The following NUMBL variants were observed in gnomAD, a reference collection of about 807,000 sequenced individuals.
NUMBL encodes numb-like protein.
Under a neutral mutation model 48.9 loss-of-function variants are expected in NUMBL, and 20 were observed. The ratio of observed to expected loss-of-function variants is 0.41; its 90% CI spans 0.29 to 0.59. NUMBL has a LOEUF of 0.59. Ranked by LOEUF, NUMBL falls within the 20% of genes least tolerant of loss-of-function variation. The probability of loss-of-function intolerance (pLI) is 0.31; values close to 1 mark genes in which losing one functional copy is unlikely to be tolerated. For synonymous variants in NUMBL, 340 were observed against 348.7 expected, an observed-to-expected ratio of 0.98 and a Z score of 0.28; for missense variants, 660 against 846.2, an observed-to-expected ratio of 0.78 and a Z score of 2.73.
In NUMBL at chr19:40,667,969, TTGCTGCTGC is replaced by T. The variant is rs752962959; in HGVS notation, c.1320_1328del (p.Gln444_Gln446del). 1.6e-5 allele frequency: 23 copies of T among 1,471,352 alleles called. No homozygotes were observed. The highest frequency in any genetic ancestry group is 5.1e-5 in the African/African-American group (2 of 38,986). 91.1% of individuals were successfully genotyped at this position (1,471,352 alleles called of 1,614,324 possible). On this transcript the variant is annotated inframe_deletion, in exon 10 of 10. Coordinates refer to ENST00000252891, the MANE Select transcript of NUMBL (RefSeq NM_004756.5). This position sits in a 1 kb window ranked among gnomAD's most constrained non-coding sequence, Gnocchi z 6.1. ...GGGCCACTGAGGCTGCTTGCTGCTG[TTGCTGCTGC>T]TGCTGCTGCTGCTGTTGCTGTTGCT...
intron 6 of NUMBL, 57 bp from the exon 7 acceptor site, chr19:40,677,478 CA>C (rs2081883416): frequency 7.9e-6 from 12 of 1,519,906 alleles, no homozygotes; most frequent in Non-Finnish European, 1.1e-5. Flanking sequence ...GGACAGGGGC[CA>C]GGGGCACTGG....
At chr19:40,669,575 C>A (rs889951070) in intron 9 of NUMBL, among the ~76,000 whole-genome samples, 2 of 151,696 alleles carry the variant, frequency 1.3e-5, no homozygotes, top group Admixed American at 6.6e-5. Flanking sequence ...CTAGGCTGAT[C>A]CCCTGGCTCT....
chr19:40,682,609 A>T lies in NUMBL; in HGVS notation c.399+119T>A, dbSNP rs1213102328. 5 of 850,310 alleles carry T rather than the reference A, an allele frequency of 5.9e-6. No homozygotes were observed. The East Asian group carries it at 1.3e-4, about 21-fold the overall frequency. 52.7% of individuals were successfully genotyped at this position (850,310 alleles called of 1,614,324 possible). On this transcript the variant is annotated intron_variant, in intron 5 of 9. Transcript: ENST00000252891. This position sits in a 1 kb window ranked among gnomAD's most constrained non-coding sequence, Gnocchi z 4.0. ...TATGACGACAGAGGGAGCACACGGC[A>T]TCGTCTAGAAGGTCCCTGAGGGAGG...
At chr19:40,677,178 A>G in intron 7 of NUMBL, 54 bp downstream of exon 7, 1 of 1,527,458 alleles carries the variant, frequency 6.5e-7, no homozygotes, top group East Asian at 2.5e-5. Flanking sequence ...GCCCCCTGAT[A>G]CTGGGTACCC....
chr19:40,673,371 G>A lies in NUMBL; in HGVS notation c.1009C>T (p.Arg337Cys), dbSNP rs1293521460. Residue 337 changes from arginine (R) to cysteine (C), a missense_variant, in exon 8 of 10, where the codon CGC (arginine) becomes TGC (cysteine). Physicochemically the swap from Arg to Cys is radical, Grantham distance 180 (BLOSUM62 -3). This residue lies in a region of NUMBL where 278 missense variants were observed against 420.6 expected (regional missense o/e 0.66). Transcript: ENST00000252891. The surrounding 1 kb of genome is among the most constrained non-coding windows in gnomAD (Gnocchi z 5.9). ...GTGCCCTTCACCTGGAAGTCAGTGCGGCGCTGCAGCGTGGATGGCAGCTCA... is the reference window on the plus strand; with the variant it reads ...GTGCCCTTCACCTGGAAGTCAGTGCAGCGCTGCAGCGTGGATGGCAGCTCA... ...LNELPSTLQR[R>C]TDFQVKGTVP... The A allele has an allele frequency of 5.6e-6, 9 of 1,613,794 alleles. No individual in the cohort carries two copies. Among genetic ancestry groups the A allele is most frequent in the South Asian group, 1.1e-5 (1 of 91,020 alleles).
At position 40,680,129 on chromosome 19, in the gene NUMBL, G is replaced by GTT. The variant is rs34820478; in HGVS notation, c.540+786_540+787dup. Among the ~76,000 whole-genome samples the GTT allele has an allele frequency of 1.3e-3, 194 of 146,332 alleles. 1 individual carries two copies. The East Asian group carries it at 0.034, about 26-fold the overall frequency. Reference sequence around the variant, plus strand: ...TGGCTTTCATTCTCATCCCCAAATAGTTTTTTTTTTTTGTTTTCTTGAGAC... The same window carrying GTT: ...TGGCTTTCATTCTCATCCCCAAATAGTTTTTTTTTTTTTTGTTTTCTTGAGAC... On this transcript the variant is annotated intron_variant, in intron 6 of 9. Transcript: ENST00000252891.
chr19:40,672,279 C>G (rs1205784205), intron 8 of NUMBL, among the ~76,000 whole-genome samples: 3 of 152,126 alleles, frequency 2.0e-5, no homozygotes, highest in Non-Finnish European at 4.4e-5. Flanking sequence ...CCCCACGGAG[C>G]TCTTTGCTCA....
rs2081923898 is a variant in NUMBL, at chr19:40,684,505, G to A, written c.161C>T (p.Pro54Leu). The A allele has an allele frequency of 6.2e-7, 1 of 1,604,714 alleles. No individual in the cohort carries two copies. Among genetic ancestry groups the A allele is most frequent in the Admixed American group, 1.7e-5 (1 of 58,812 alleles). ...KLRQSLRRRK[P>L]AYVPEASRPH... ...GCGCGACGCCTCGGGCACGTAGGCT[G>A]GCTTCCTCCGCCGCAGGCTCTGCCG... The change falls in exon 3 of 10, where the codon CCA (proline) becomes CTA (leucine). Residue 54 changes from proline (P) to leucine (L), a missense_variant. By Grantham distance (98) the Pro-to-Leu change is moderately conservative. Transcript: ENST00000252891.
chr19:40,684,394 C>T (rs370991230), intron 3 of NUMBL, 23 bp downstream of exon 3: 1,088 of 1,543,172 alleles, frequency 7.1e-4, no homozygotes, highest in Non-Finnish European at 8.3e-4. Context: ...CTCGCCCCGC[C>T]GCACCCTGCC....
intron 3 of NUMBL, among the ~76,000 whole-genome samples, chr19:40,683,262 G>A (rs141802669): frequency 6.6e-6 from 1 of 152,238 alleles, no homozygotes. Flanking sequence ...CTGTGCGTGA[G>A]GACTGGCCAC....
At position 40,690,520 on chromosome 19, in the gene NUMBL, C is replaced by T. The variant is rs1224097968; in HGVS notation, c.-37G>A. ...GCGCCCCCGCCTCCCGCGGCCCTGGCTGGGCCTGGCTCCCCGACTGCTGCT... is the reference window on the plus strand; with the variant it reads ...GCGCCCCCGCCTCCCGCGGCCCTGGTTGGGCCTGGCTCCCCGACTGCTGCT... On this transcript the variant is annotated 5_prime_UTR_variant, in exon 1 of 10. Coordinates refer to ENST00000252891, the MANE Select transcript of NUMBL (RefSeq NM_004756.5). 4.9e-6 allele frequency: 6 copies of T among 1,227,608 alleles called. No homozygotes were observed. The highest frequency in any genetic ancestry group is 6.1e-6 in the Non-Finnish European group (6 of 980,206). 76.0% of individuals were successfully genotyped at this position (1,227,608 alleles called of 1,614,324 possible).
chr19:40,686,468 T>C (rs946741649), intron 2 of NUMBL, among the ~76,000 whole-genome samples: 1 of 152,126 alleles, frequency 6.6e-6, no homozygotes, highest in African/African-American at 2.4e-5. Context: ...CGGCCAAGAG[T>C]GTGTCTCTTG....
Position 40,667,821 on chromosome 19 carries a change from C to A in NUMBL, c.1477G>T (p.Ala493Ser). 4 of 1,587,502 alleles carry A rather than the reference C, an allele frequency of 2.5e-6. No individual in the cohort carries two copies. The South Asian group carries it at 4.6e-5, about 18-fold the overall frequency. ...GGTGGGTAGCCCAAGCCCGGGTAGGCGGGCACAAAAGGGGGCTGCATGTGT... is the reference window on the plus strand; with the variant it reads ...GGTGGGTAGCCCAAGCCCGGGTAGGAGGGCACAAAAGGGGGCTGCATGTGT... The part of the protein sequence containing the change: ...PPHMQPPFVP[A>S]YPGLGYPPMP... The change falls in exon 10 of 10, where the codon GCC becomes TCC. Residue 493 changes from alanine to serine, a missense_variant. Ala to Ser is a moderately conservative substitution (Grantham distance 99, BLOSUM62 1). This residue lies in a region of NUMBL where 296 missense variants were observed against 339.7 expected (regional missense o/e 0.87). Transcript: ENST00000252891. This position sits in a 1 kb window ranked among gnomAD's most constrained non-coding sequence, Gnocchi z 6.1.
intron 8 of NUMBL, among the ~76,000 whole-genome samples, chr19:40,672,973 GC>G (rs1194854377): frequency 6.6e-6 from 1 of 151,878 alleles, no homozygotes; most frequent in Non-Finnish European, 1.5e-5. Context: ...TCTTTCCCTG[GC>G]CCATGGCAAA....
At position 40,667,553 on chromosome 19, in the gene NUMBL, G is replaced by A. The variant is rs142060332; in HGVS notation, c.1745C>T (p.Ala582Val). ...TACAGTGGCTTTGCCTTCTAATGCC[G>A]CCCACTGGGCCTCAAAGGGGTCCAA... is the stretch of plus-strand genomic sequence containing the variant. The part of the protein sequence containing the change: ...PELDPFEAQW[A>V]ALEGKATVEK... Residue 582 changes from alanine (A) to valine (V), a missense_variant, in exon 10 of 10, where the codon GCG becomes GTG. This residue lies in a region of NUMBL where 296 missense variants were observed against 339.7 expected (regional missense o/e 0.87). Coordinates refer to ENST00000252891, the MANE Select transcript of NUMBL (RefSeq NM_004756.5). This position sits in a 1 kb window ranked among gnomAD's most constrained non-coding sequence, Gnocchi z 6.1. 1,456 of 1,562,428 alleles carry A rather than the reference G, an allele frequency of 9.3e-4. 2 individuals are homozygous for A. Among genetic ancestry groups the A allele is most frequent in the Middle Eastern group, 1.3e-3 (8 of 5,974 alleles).
rs764427450 is a variant in NUMBL, at chr19:40,682,988, G to A, written c.250-20C>T. On this transcript the variant is annotated intron_variant, in intron 3 of 9. Coordinates refer to ENST00000252891, the MANE Select transcript of NUMBL (RefSeq NM_004756.5). This position sits in a 1 kb window ranked among gnomAD's most constrained non-coding sequence, Gnocchi z 4.0. ...CAGGTACTTGGGTTGGAGGGAATGG[G>A]GGGGGGGACATGAAACAGCACAGTA... 33 of 1,608,534 alleles carry A rather than the reference G, an allele frequency of 2.1e-5. No individual in the cohort carries two copies. Among genetic ancestry groups the A allele is most frequent in the South Asian group, 9.9e-5 (9 of 90,990 alleles).
Position 40,684,483 on chromosome 19 carries a change from C to T in NUMBL, c.183G>A (p.Ser61=), listed in dbSNP as rs759687367. The T allele has an allele frequency of 3.0e-5, 48 of 1,593,244 alleles. No individual in the cohort carries two copies. The South Asian group carries it at 3.5e-4, about 12-fold the overall frequency. Reference sequence around the variant, plus strand: ...CGTCTGCCTGCCACTGGTGCGGGCGCGACGCCTCGGGCACGTAGGCTGGCT... The same window carrying T: ...CGTCTGCCTGCCACTGGTGCGGGCGTGACGCCTCGGGCACGTAGGCTGGCT... ...RRKPAYVPEA[S]RPHQWQADED... is the part of the protein sequence containing the mutation. The change falls in exon 3 of 10, where the codon TCG becomes TCA. Residue 61 remains serine, a synonymous_variant. Transcript: ENST00000252891.
In NUMBL at chr19:40,670,007, C is replaced by G. The variant is rs763703509; in HGVS notation, c.1050G>C (p.Glu350Asp). 1 of 1,613,738 alleles carries G rather than the reference C, an allele frequency of 6.2e-7. No individual in the cohort carries two copies. The highest frequency in any genetic ancestry group is 8.5e-7 in the Non-Finnish European group (1 of 1,179,808). ...FQVKGTVPEM[E>D]PPGAGDSDSI... ...TGTCACTGTCGCCGGCACCAGGAGG[C>G]TCCATCTCAGGCACTGGGAAGCAGG... is the stretch of plus-strand genomic sequence containing the variant. Residue 350 changes from glutamate (E) to aspartate (D), a missense_variant, in exon 9 of 10, where the codon GAG (glutamate) becomes GAC (aspartate). By Grantham distance (45) the Glu-to-Asp change is conservative. Coordinates refer to ENST00000252891, the MANE Select transcript of NUMBL (RefSeq NM_004756.5).
At position 40,686,931 on chromosome 19, in the gene NUMBL, TCTGGGGGCCCCGGGGCCCCACAGGGGG is replaced by T. The variant is rs1459645831; in HGVS notation, c.62_88del (p.Ala21_Pro29del). 1.1e-5 allele frequency: 17 copies of T among 1,545,428 alleles called. No homozygotes were observed. Among genetic ancestry groups the T allele is most frequent in the Middle Eastern group, 1.7e-4 (1 of 5,862 alleles). On this transcript the variant is annotated inframe_deletion, in exon 2 of 10. Coordinates refer to ENST00000252891, the MANE Select transcript of NUMBL (RefSeq NM_004756.5). ...CTCACCTGGCTCCGTCCTGCAGGTT[TCTGGGGGCCCCGGGGCCCCACAGGGGG>T]CTGGGGGCAGGTGCCGCTCAGGCCT...
Sources: allele counts gnomAD v4.1 joint callset (sites outside exome capture counted in the v4.1 genomes callset), GRCh38; gene constraint gnomAD v4.1.1; regional missense constraint gnomAD v4.1.1; non-coding constraint Gnocchi (gnomAD v3.1); transcripts MANE v1.5; gene names NCBI Gene and HGNC (gene_info 2026-07-23, HGNC 2026-07-21).